Variants in CSN1S1 observed in about 807,000 individuals in gnomAD.
The protein encoded by CSN1S1 is alpha-S1-casein.
In CSN1S1, 63 loss-of-function variants were observed where a neutral mutation model predicts 49.1. The observed-to-expected ratio is 1.28, with a 90% confidence interval of 1.05 to 1.58. The LOEUF (loss-of-function observed/expected upper bound fraction) is 1.58. Among genes scored for constraint, CSN1S1 ranks in the 40% most tolerant of loss-of-function variants. The pLI, the probability that CSN1S1 is intolerant of heterozygous loss-of-function variation, is 0.00. For synonymous variants in CSN1S1, 78 were observed against 67.1 expected, an observed-to-expected ratio of 1.16 and a Z score of -0.79; for missense variants, 260 against 224.7, an observed-to-expected ratio of 1.16 and a Z score of -1.01.
chr4:69,931,567 C>A (rs1200543055), intron 1 of CSN1S1, among the ~76,000 whole-genome samples: 3 of 151,798 alleles, frequency 2.0e-5, no homozygotes, highest in Non-Finnish European at 4.4e-5. Context: ...ATGTGAATAT[C>A]TATTATAGAT....
Position 69,942,052 on chromosome 4 carries a change from G to A in CSN1S1, c.349G>A (p.Ala117Thr), listed in dbSNP as rs567240015. ...NEYNQLQLQAAHAQEQIRRMN... is the reference protein window; with the variant it reads ...NEYNQLQLQATHAQEQIRRMN... ...AATGTTTTCTCCTCCCTAGCAAGCT[G>A]CCCATGCCCAGGTGAGATTATTTAT... Residue 117 changes from alanine (A) to threonine (T), a missense_variant, in exon 13 of 16, where the codon GCC becomes ACC. By Grantham distance (58) the Ala-to-Thr change is moderately conservative. Coordinates refer to ENST00000246891, the MANE Select transcript of CSN1S1 (RefSeq NM_001890.2). 7.5e-6 allele frequency: 11 copies of A among 1,473,200 alleles called. No homozygotes were observed. The South Asian group carries it at 1.2e-4, about 17-fold the overall frequency. The allele number at this position is 1,473,200 out of a possible 1,614,324, so 91.3% of individuals were successfully genotyped here.
chr4:69,941,680 A>C (rs920147649), intron 12 of CSN1S1, among the ~76,000 whole-genome samples: 1 of 151,954 alleles, frequency 6.6e-6, no homozygotes, highest in Non-Finnish European at 1.5e-5. Context: ...ATAGAGGAAG[A>C]TGAAAATCAG....
chr4:69,937,747 G>A (rs1300059138), intron 8 of CSN1S1, 53 bp from the exon 9 acceptor site: 2 of 1,360,948 alleles, frequency 1.5e-6, no homozygotes, highest in Non-Finnish European at 2.1e-6. Flanking sequence ...CATTACTTTT[G>A]TATTTGACTA....
Position 69,940,031 on chromosome 4 carries a change from T to C in CSN1S1, c.287T>C (p.Leu96Pro), listed in dbSNP as rs774528150. The C allele has an allele frequency of 7.1e-7, 1 of 1,403,562 alleles. No individual in the cohort carries two copies. Among genetic ancestry groups the C allele is most frequent in the East Asian group, 2.6e-5 (1 of 38,156 alleles). 86.9% of individuals were successfully genotyped at this position (1,403,562 alleles called of 1,614,324 possible). A position where few individuals can be genotyped will look rare whatever the true frequency, so the allele number is the denominator to read the frequency against. ...TTAATTTTTTTAAAGGAAATGTCTC[T>C]CAGTAAGTGTGCGGTAAGACATATT... ...SISSSSEEMS[L>P]SKCAEQFCRL... The change falls in exon 11 of 16, where the codon CTC (leucine) becomes CCC (proline). Residue 96 changes from leucine to proline, a missense_variant. Transcript: ENST00000246891.
chr4:69,935,498 C>T (rs1189133965), intron 4 of CSN1S1, among the ~76,000 whole-genome samples: 1 of 152,042 alleles, frequency 6.6e-6, no homozygotes, highest in East Asian at 1.9e-4. Flanking sequence ...TGCAATGAGT[C>T]GTGATAGCAC....
Position 69,937,804 on chromosome 4 carries a change from G to A in CSN1S1, c.224G>A (p.Cys75Tyr). 2 of 1,596,024 alleles carry A rather than the reference G, an allele frequency of 1.3e-6. No homozygotes were observed. Among genetic ancestry groups the A allele is most frequent in the East Asian group, 4.5e-5 (2 of 44,248 alleles). The change falls in exon 9 of 16, where the codon TGT becomes TAT. Residue 75 changes from cysteine to tyrosine, a missense_variant. Physicochemically the swap from Cys to Tyr is radical, Grantham distance 194 (BLOSUM62 -2). Transcript: ENST00000246891. ...GATTATTTTTTCTTTCTTAAGAACT[G>A]TGTTGTGGCAGAGCCTGAGGTAAGA... ...KDTRNESTQN[C>Y]VVAEPEKMES...
chr4:69,945,666 C>T (rs1723137604), intron 15 of CSN1S1, among the ~76,000 whole-genome samples: 1 of 151,996 alleles, frequency 6.6e-6, no homozygotes, highest in African/African-American at 2.4e-5. Context: ...TCAAGGAACT[C>T]CACAGTTAGG....
At chr4:69,938,922 T>A (rs1241558086) in intron 9 of CSN1S1, among the ~76,000 whole-genome samples, 1 of 151,724 alleles carries the variant, frequency 6.6e-6, no homozygotes, top group Non-Finnish European at 1.5e-5. Context: ...AAACTTGTGT[T>A]TGTTTTCCTA....
Position 69,946,413 on chromosome 4 carries a change from C to A in CSN1S1, c.*217C>A, listed in dbSNP as rs536780749. ...GTTGTGTCTTGCCATATGGAGGGCA[C>A]CTAATCAGAGGGTATTAAAGTGTTT... On this transcript the variant is annotated 3_prime_UTR_variant, in exon 16 of 16. Coordinates refer to ENST00000246891, the MANE Select transcript of CSN1S1 (RefSeq NM_001890.2). The A allele has an allele frequency of 3.4e-5, 9 of 264,844 alleles. No individual in the cohort carries two copies. The East Asian group carries it at 5.9e-4, about 17-fold the overall frequency. 16.4% of individuals were successfully genotyped at this position (264,844 alleles called of 1,614,324 possible).
chr4:69,944,138 A>G lies in CSN1S1; in HGVS notation c.403-712A>G, dbSNP rs535576415. Reference sequence around the variant, plus strand: ...AATCTTTACATAGGCAGGTGTCCACAGCAACATTTTAAATGCTTTTAAAGA... The same window carrying G: ...AATCTTTACATAGGCAGGTGTCCACGGCAACATTTTAAATGCTTTTAAAGA... On this transcript the variant is annotated intron_variant, in intron 14 of 15. Coordinates refer to ENST00000246891, the MANE Select transcript of CSN1S1 (RefSeq NM_001890.2). Among the ~76,000 whole-genome samples, 10 of 152,154 alleles carry G rather than the reference A, an allele frequency of 6.6e-5. No homozygotes were observed. The South Asian group carries it at 1.7e-3, about 25-fold the overall frequency.
chr4:69,938,086 A>G (rs1175827068), intron 9 of CSN1S1, among the ~76,000 whole-genome samples: 2 of 151,930 alleles, frequency 1.3e-5, no homozygotes, highest in Non-Finnish European at 2.9e-5. Flanking sequence ...CATTTAAATA[A>G]TAATTAGTAA....
intron 8 of CSN1S1, among the ~76,000 whole-genome samples, chr4:69,937,439 A>G (rs1722822004): frequency 6.7e-6 from 1 of 149,856 alleles, no homozygotes. Flanking sequence ...CCATTAAATC[A>G]GTGCTCTCCT....
chr4:69,945,583 A>ATCT (rs1409182654), intron 15 of CSN1S1, among the ~76,000 whole-genome samples: 3 of 152,138 alleles, frequency 2.0e-5, no homozygotes, highest in African/African-American at 7.2e-5. Flanking sequence ...GATTTAGCAA[A>ATCT]TCTTTATTAA....
intron 11 of CSN1S1, 30 bp from the exon 12 acceptor site, chr4:69,940,989 G>T: frequency 7.9e-7 from 1 of 1,266,376 alleles, no homozygotes; most frequent in Non-Finnish European, 1.1e-6. Context: ...TGACATCCAA[G>T]CAATTGAGAA....
chr4:69,937,543 G>A (rs1017669657), intron 8 of CSN1S1, among the ~76,000 whole-genome samples: 1 of 151,506 alleles, frequency 6.6e-6, no homozygotes, highest in East Asian at 1.9e-4. Context: ...AAAAAGTCAT[G>A]CTGGATAAAG....
Position 69,941,022 on chromosome 4 carries a change from C to G in CSN1S1, c.304C>G (p.Gln102Glu), listed in dbSNP as rs770730651. The change falls in exon 12 of 16, where the codon CAG becomes GAG. Residue 102 changes from glutamine to glutamate, a missense_variant. Transcript: ENST00000246891. Reference sequence around the variant, plus strand: ...GAATATTTTTCTTTTTAAATAGGAACAGTTTTGTAGACTGAACGAATACAA... The same window carrying G: ...GAATATTTTTCTTTTTAAATAGGAAGAGTTTTGTAGACTGAACGAATACAA... The part of the protein sequence containing the change: ...EEMSLSKCAE[Q>E]FCRLNEYNQL... 2.7e-6 allele frequency: 4 copies of G among 1,507,198 alleles called. No homozygotes were observed. The African/African-American group carries it at 4.2e-5, about 16-fold the overall frequency. 93.4% of individuals were successfully genotyped at this position (1,507,198 alleles called of 1,614,324 possible).
intron 11 of CSN1S1, 32 bp downstream of exon 11, chr4:69,940,076 T>G: frequency 1.8e-6 from 2 of 1,123,014 alleles, no homozygotes; most frequent in Non-Finnish European, 2.5e-6. Flanking sequence ...TAAAATATAT[T>G]AATATTTTCC....
intron 10 of CSN1S1, 55 bp downstream of exon 10, chr4:69,939,263 A>G: frequency 7.6e-7 from 1 of 1,317,342 alleles, no homozygotes; most frequent in Non-Finnish European, 1.1e-6. Context: ...AATTATGAAA[A>G]CTTGTACCGT....
At chr4:69,939,315 G>A in intron 10 of CSN1S1, 107 bp downstream of exon 10, 1 of 659,010 alleles carries the variant, frequency 1.5e-6, no homozygotes, top group Non-Finnish European at 2.5e-6. Flanking sequence ...ACAAGGCAGT[G>A]TATATGTGGC....
Sources: allele counts gnomAD v4.1 joint callset (sites outside exome capture counted in the v4.1 genomes callset), GRCh38; gene constraint gnomAD v4.1.1; transcripts MANE v1.5; gene names NCBI Gene and HGNC (gene_info 2026-07-23, HGNC 2026-07-21).